LRBA: variants seen among roughly 807,000 people sequenced by gnomAD.
LRBA encodes the protein lipopolysaccharide-responsive and beige-like anchor protein.
Under a neutral mutation model 330.0 loss-of-function variants are expected in LRBA, and 176 were observed. The observed-to-expected ratio is 0.53, with a 90% CI of 0.47 to 0.60. The LOEUF (loss-of-function observed/expected upper bound fraction) is 0.60. Among genes scored for constraint, LRBA ranks in the 20% least tolerant of loss-of-function variants. LRBA has a pLI of 0.00. For synonymous variants in LRBA, 1,230 were observed against 1,193.0 expected (o/e 1.03, Z -0.64); for missense variants, 3,259 against 3,444.8 (o/e 0.95, Z 1.35).
At chr4:150,322,342 T>G (rs144635951) in intron 49 of LRBA, among the ~76,000 whole-genome samples, 1 of 152,316 alleles carries the variant, frequency 6.6e-6, no homozygotes, top group Admixed American at 6.5e-5. Flanking sequence ...TTGGCTTTAT[T>G]TATACTTTGT....
chr4:151,010,037 G>A (rs1175336016), intron 2 of LRBA, among the ~76,000 whole-genome samples: 1 of 151,854 alleles, frequency 6.6e-6, no homozygotes, highest in Non-Finnish European at 1.5e-5. Flanking sequence ...ATGATTTAAA[G>A]TATACGGAAG....
intron 37 of LRBA, among the ~76,000 whole-genome samples, chr4:150,599,512 G>A (rs1188134779): frequency 6.6e-6 from 1 of 152,008 alleles, no homozygotes; most frequent in Admixed American, 6.6e-5. Context: ...ACCAGAATAG[G>A]GAAAAGGCTA....
At chr4:150,986,987 G>A (rs1049136234) in intron 2 of LRBA, among the ~76,000 whole-genome samples, 1 of 152,206 alleles carries the variant, frequency 6.6e-6, no homozygotes, top group African/African-American at 2.4e-5. Context: ...TGGGGCCAGG[G>A]AGTAGAGAAG....
intron 46 of LRBA, among the ~76,000 whole-genome samples, chr4:150,425,382 T>A (rs965827825): frequency 6.6e-5 from 10 of 152,196 alleles, no homozygotes; most frequent in African/African-American, 2.4e-4. Flanking sequence ...ATAATTTTAA[T>A]CTCTATCACT....
intron 38 of LRBA, among the ~76,000 whole-genome samples, chr4:150,597,880 G>A (rs950165634): frequency 6.6e-6 from 1 of 151,958 alleles, no homozygotes; most frequent in Non-Finnish European, 1.5e-5. Flanking sequence ...ATTGCTTTTA[G>A]ATCACTTTGT....
At chr4:150,832,752 C>T (rs1414359417) in intron 28 of LRBA, among the ~76,000 whole-genome samples, 2 of 151,996 alleles carry the variant, frequency 1.3e-5, no homozygotes, top group Non-Finnish European at 2.9e-5. Flanking sequence ...CTATTAGATA[C>T]AGAATAGGAT....
At chr4:150,986,265 T>C (rs747853692) in intron 2 of LRBA, among the ~76,000 whole-genome samples, 8 of 152,168 alleles carry the variant, frequency 5.3e-5, no homozygotes, top group Non-Finnish European at 1.2e-4. Flanking sequence ...GGTTTCAAGA[T>C]GAAACTGTTC....
chr4:150,844,748 C>T lies in LRBA; in HGVS notation c.4371G>A (p.Glu1457=), dbSNP rs759579204. 2 of 1,613,076 alleles carry T rather than the reference C, an allele frequency of 1.2e-6. No homozygotes were observed. Among genetic ancestry groups the T allele is most frequent in the East Asian group, 2.2e-5 (1 of 44,842 alleles). The change falls in exon 27 of 57, where the codon GAG becomes GAA. Residue 1457 remains glutamate (E), a synonymous_variant. Coordinates refer to ENST00000651943, the MANE Select transcript of LRBA (RefSeq NM_001364905.1). Reference sequence around the variant, plus strand: ...TTTTCAGTTGTGAATGCTGTTGACACTCCAAGCAATTCCTTACTGCGACTG... The same window carrying T: ...TTTTCAGTTGTGAATGCTGTTGACATTCCAAGCAATTCCTTACTGCGACTG... ...VCAVAVRNCL[E]CQQHSQLKTR... is the part of the protein sequence containing the mutation.
intron 47 of LRBA, among the ~76,000 whole-genome samples, chr4:150,372,762 T>TTTTTTTTTTTTTTTG (rs1554011252): frequency 6.9e-6 from 1 of 144,312 alleles, no homozygotes; most frequent in African/African-American, 2.5e-5. Flanking sequence ...AGTAAGTTCT[T>TTTTTTTTTTTTTTTG]ACTAGATATT....
At chr4:150,930,150 A>G (rs956383503) in intron 2 of LRBA, among the ~76,000 whole-genome samples, 4 of 152,072 alleles carry the variant, frequency 2.6e-5, no homozygotes, top group African/African-American at 9.7e-5. Flanking sequence ...CCCCATCTCT[A>G]CTAAAAATAC....
At chr4:150,285,694 T>C (rs1748055805) in intron 54 of LRBA, among the ~76,000 whole-genome samples, 1 of 152,248 alleles carries the variant, frequency 6.6e-6, no homozygotes, top group South Asian at 2.1e-4. Flanking sequence ...ATCTGTGCTG[T>C]CCAATGTAGT....
chr4:150,733,032 C>A (rs937894818), intron 36 of LRBA, among the ~76,000 whole-genome samples: 9 of 151,870 alleles, frequency 5.9e-5, no homozygotes, highest in African/African-American at 2.2e-4. Flanking sequence ...ATTTAAATAT[C>A]CAAATATAAT....
At chr4:150,911,218 A>G (rs1012629942) in intron 9 of LRBA, among the ~76,000 whole-genome samples, 7 of 152,166 alleles carry the variant, frequency 4.6e-5, no homozygotes, top group Admixed American at 4.6e-4. Context: ...TCCAAATACT[A>G]TGTTGAATAG....
chr4:150,597,800 TA>T (rs1773677045), intron 38 of LRBA, among the ~76,000 whole-genome samples: 1 of 152,084 alleles, frequency 6.6e-6, no homozygotes, highest in African/African-American at 2.4e-5. Flanking sequence ...AAAAGTGGCC[TA>T]ATTAATTCTA....
At chr4:150,737,538 G>GAAAAC (rs1343095701) in intron 35 of LRBA, among the ~76,000 whole-genome samples, 1 of 150,614 alleles carries the variant, frequency 6.6e-6, no homozygotes, top group African/African-American at 2.4e-5. Context: ...GAAAAGAAAA[G>GAAAAC]AAAGACGAAA....
intron 35 of LRBA, among the ~76,000 whole-genome samples, chr4:150,741,967 T>G (rs1431488012): frequency 6.6e-6 from 1 of 152,010 alleles, no homozygotes; most frequent in Non-Finnish European, 1.5e-5. Context: ...AAACGACCCA[T>G]TCTGATTAGC....
chr4:150,849,500 G>A lies in LRBA; in HGVS notation c.4080C>T (p.Leu1360=). 1 of 1,613,052 alleles carries A rather than the reference G, an allele frequency of 6.2e-7. No individual in the cohort carries two copies. Among genetic ancestry groups the A allele is most frequent in the Non-Finnish European group, 8.5e-7 (1 of 1,179,008 alleles). The part of the protein sequence containing the change: ...NVIFVHNTIH[L]ISQVMDNMVM... ...CCATATTGTCCATCACTTGAGAGAT[G>A]AGATGAATTGTGTTGTGTACAAAGA... is the stretch of plus-strand genomic sequence containing the variant. The change falls in exon 25 of 57, where the codon CTC becomes CTT. Residue 1360 remains leucine, a synonymous_variant. Transcript: ENST00000651943.
intron 47 of LRBA, among the ~76,000 whole-genome samples, chr4:150,391,226 T>C (rs567205407): frequency 3.3e-5 from 5 of 152,152 alleles, no homozygotes; most frequent in African/African-American, 2.4e-5. Flanking sequence ...TGAATGATGA[T>C]GAAACCAGAC....
intron 56 of LRBA, among the ~76,000 whole-genome samples, chr4:150,267,557 A>T (rs1023581279): frequency 6.6e-6 from 1 of 152,214 alleles, no homozygotes; most frequent in Non-Finnish European, 1.5e-5. Flanking sequence ...CTGTAAACAC[A>T]TAGATTTAAA....
Sources: allele counts gnomAD v4.1 joint callset (sites outside exome capture counted in the v4.1 genomes callset), GRCh38; gene constraint gnomAD v4.1.1; transcripts MANE v1.5; gene names NCBI Gene and HGNC (gene_info 2026-07-23, HGNC 2026-07-21).